ABLIM1: variants seen among roughly 807,000 people sequenced by gnomAD.
The protein encoded by ABLIM1 is actin-binding LIM protein 1.
A neutral mutation model predicts 107.0 loss-of-function variants in ABLIM1; 40 were observed. The observed-to-expected ratio is 0.37, with a 90% CI of 0.29 to 0.49. ABLIM1 has a LOEUF of 0.49. Among genes scored for constraint, ABLIM1 ranks in the 20% least tolerant of loss-of-function variants. The probability of loss-of-function intolerance (pLI) is 0.97; values close to 1 mark genes in which losing one functional copy is unlikely to be tolerated. For missense variants in ABLIM1, 857 were observed against 1,008.5 expected, an observed-to-expected ratio of 0.85 and a Z score of 2.04; for synonymous variants, 357 against 357.3, an observed-to-expected ratio of 1.00 and a Z score of 0.01.
At chr10:114,553,278 C>T (rs2497725) in intron 4 of ABLIM1, among the ~76,000 whole-genome samples, 56,530 of 152,076 alleles carry the variant, frequency 0.37, 13,864 homozygotes, top group African/African-American at 0.7. Flanking sequence ...GAGTCATTTA[C>T]AAAGGTAGTA....
intron 12 of ABLIM1, among the ~76,000 whole-genome samples, chr10:114,453,800 GA>G (rs2062307017): frequency 6.6e-6 from 1 of 152,162 alleles, no homozygotes; most frequent in Non-Finnish European, 1.5e-5. Flanking sequence ...GGGAGCGATG[GA>G]AAGCTGCTTG....
At chr10:114,624,882 A>G (rs972711159) in intron 1 of ABLIM1, among the ~76,000 whole-genome samples, 13 of 151,910 alleles carry the variant, frequency 8.6e-5, no homozygotes, top group Admixed American at 1.3e-4. Flanking sequence ...TAAGAGTAAC[A>G]CTTTCATTTA....
intron 1 of ABLIM1, chr10:114,631,822 C>G: frequency 7.8e-7 from 1 of 1,278,536 alleles, no homozygotes; most frequent in Non-Finnish European, 1.0e-6. Flanking sequence ...TTCGATTGAT[C>G]ATTCCCCGTT....
rs906387328 is a variant in ABLIM1, at chr10:114,726,572, G to C, written c.-213+41489C>G. 2.6e-5 allele frequency among the ~76,000 whole-genome samples: 3 copies of C among 113,512 alleles called. No individual in the cohort carries two copies. In the Admixed American group the frequency reaches 2.7e-4, roughly 10 times the overall value. 74.5% of individuals were successfully genotyped at this position (113,512 alleles called of 152,430 possible). On this transcript the variant is annotated intron_variant, in intron 1 of 15. Coordinates refer to the ABLIM1 transcript ENST00000651092. The stretch of plus-strand genomic sequence containing the variant: ...GCACCCAGTGGATCACCTGAGGTCA[G>C]GAGTCCCAGACCAGCCTGACCAACA...
chr10:114,477,930 G>T (rs1261360554), intron 8 of ABLIM1, among the ~76,000 whole-genome samples: 3 of 152,128 alleles, frequency 2.0e-5, no homozygotes, highest in African/African-American at 7.2e-5. Context: ...CACCCCATTG[G>T]CCAGGATGGT....
intron 6 of ABLIM1, among the ~76,000 whole-genome samples, chr10:114,544,291 C>A (rs2067046973): frequency 6.6e-6 from 1 of 152,212 alleles, no homozygotes; most frequent in African/African-American, 2.4e-5. Context: ...CTTACTTCTT[C>A]CTTGGACCTG....
chr10:114,448,024 C>T lies in ABLIM1; in HGVS notation c.1595-4G>A, dbSNP rs764511132. 7.4e-6 allele frequency: 12 copies of T among 1,614,088 alleles called. No individual in the cohort carries two copies. In the Admixed American group the frequency reaches 2.0e-4, roughly 27 times the overall value. On this transcript the variant is annotated splice_polypyrimidine_tract_variant and splice_region_variant and intron_variant, in intron 14 of 22. Transcript: ENST00000533213. The stretch of plus-strand genomic sequence containing the variant: ...TTGCTCTGGGCTGCCAAGGCAGCTG[C>T]ATCTAGATGGGAATCAGGGGTTGCT...
chr10:114,704,335 T>TATATATATATATCTCACG (rs3061769), intron 1 of ABLIM1, among the ~76,000 whole-genome samples: 1,839 of 82,892 alleles, frequency 0.022, 187 homozygotes, highest in Non-Finnish European at 0.032. Flanking sequence ...TATATATATA[T>TATATATATATATCTCACG]TGCGCGCGTT....
upstream of ABLIM1, chr10:114,658,282 C>A: frequency 6.6e-7 from 1 of 1,521,388 alleles, no homozygotes; most frequent in South Asian, 1.3e-5. Context: ...CTCTGTTCCC[C>A]TGGCTCCTTA....
At chr10:114,771,796 A>T, upstream of ABLIM1, among the ~76,000 whole-genome samples, 1 of 152,230 alleles carries the variant, frequency 6.6e-6, no homozygotes, top group Admixed American at 6.5e-5. Flanking sequence ...CAGAGGAAAA[A>T]TTTATATAGA....
chr10:114,500,787 G>C (rs2060325546), intron 6 of ABLIM1, among the ~76,000 whole-genome samples: 1 of 150,132 alleles, frequency 6.7e-6, no homozygotes. Flanking sequence ...GGAAGGGAAG[G>C]GAAGGGAGCC....
At chr10:114,661,106 G>A (rs770448760), upstream of ABLIM1, among the ~76,000 whole-genome samples, 53 of 152,044 alleles carry the variant, frequency 3.5e-4, no homozygotes, top group Admixed American at 1.1e-3. Context: ...AAGAGACTGC[G>A]AAAAGGAAAA....
In ABLIM1 at chr10:114,452,892, ACCAATTCAC is replaced by A. The variant is rs998758429; in HGVS notation, c.1546+478_1546+486del. Among the ~76,000 whole-genome samples the A allele has an allele frequency of 3.9e-5, 6 of 152,334 alleles. No homozygotes were observed. The East Asian group carries it at 1.2e-3, about 29-fold the overall frequency. On this transcript the variant is annotated intron_variant, in intron 13 of 22. Coordinates refer to ENST00000533213, the MANE Select transcript of ABLIM1 (RefSeq NM_002313.7). ...TCTGTTATGCGCTGCAGAAAGACCA[ACCAATTCAC>A]CCAATTCTACATCTCTCTGAAAAGT...
chr10:114,471,285 C>T (rs920903123), intron 10 of ABLIM1, among the ~76,000 whole-genome samples: 8 of 152,160 alleles, frequency 5.3e-5, no homozygotes, highest in Non-Finnish European at 8.8e-5. Context: ...TGCTGGGAAA[C>T]GCACACAGAC....
At chr10:114,451,315 G>T (rs1319723894) in intron 14 of ABLIM1, among the ~76,000 whole-genome samples, 1 of 152,102 alleles carries the variant, frequency 6.6e-6, no homozygotes, top group South Asian at 2.1e-4. Flanking sequence ...ATGGCAAAAA[G>T]AAAAAAGACT....
the ABLIM1 span, among the ~76,000 whole-genome samples, chr10:114,774,632 T>C: frequency 6.6e-6 from 1 of 152,120 alleles, no homozygotes; most frequent in Non-Finnish European, 1.5e-5. Context: ...AGAAAAAAGT[T>C]GGACTGAAAA....
chr10:114,492,750 T>G (rs967455453), intron 6 of ABLIM1, among the ~76,000 whole-genome samples: 1 of 152,218 alleles, frequency 6.6e-6, no homozygotes, highest in African/African-American at 2.4e-5. Context: ...TATTCTGCAT[T>G]AACCATGTAC....
At chr10:114,769,004 A>T (rs1300630238), upstream of ABLIM1, among the ~76,000 whole-genome samples, 1 of 151,760 alleles carries the variant, frequency 6.6e-6, no homozygotes, top group African/African-American at 2.4e-5. Context: ...TTCCACTCTC[A>T]CGCCCTGTCC....
chr10:114,577,576 T>C (rs2072761234), intron 2 of ABLIM1, among the ~76,000 whole-genome samples: 1 of 152,262 alleles, frequency 6.6e-6, no homozygotes. Flanking sequence ...GGCACCTGTC[T>C]GCAGCCTTTT....
Sources: allele counts gnomAD v4.1 joint callset (sites outside exome capture counted in the v4.1 genomes callset), GRCh38; gene constraint gnomAD v4.1.1; transcripts MANE v1.5; gene names NCBI Gene and HGNC (gene_info 2026-07-23, HGNC 2026-07-21).